FBXO24: variants seen among roughly 807,000 people sequenced by gnomAD.
The protein encoded by FBXO24 is F-box protein 24.
FBXO24 carries 30 observed loss-of-function variants against 63.5 expected under a neutral mutation model. The ratio of observed to expected loss-of-function variants is 0.47; its 90% CI spans 0.35 to 0.64. The LOEUF is 0.64. Among genes scored for constraint, FBXO24 ranks in the 30% least tolerant of loss-of-function variants. FBXO24 has a pLI of 0.00. For synonymous variants in FBXO24, 300 were observed against 305.0 expected, an observed-to-expected ratio of 0.98 and a Z score of 0.17; for missense variants, 624 against 763.4, an observed-to-expected ratio of 0.82 and a Z score of 2.15.
In FBXO24 at chr7:100,592,879, C is replaced by A. The variant is rs554426092; in HGVS notation, c.655C>A (p.Arg219=). The A allele has an allele frequency of 1.9e-6, 3 of 1,614,058 alleles. No homozygotes were observed. In the African/African-American group the frequency reaches 4.0e-5, roughly 22 times the overall value. Residue 219 remains arginine (R), a synonymous_variant, in exon 5 of 10, where the codon CGG becomes AGG. Transcript: ENST00000241071. ...GGAAGTGGTGGGTACCACCAGCAGC[C>A]GGGCCTGTGACTGTGTTGAGGTCTA... ...PQEVVGTTSS[R]ACDCVEVYLQ... is the part of the protein sequence containing the mutation.
Position 100,586,351 on chromosome 7 carries a change from C to T in FBXO24, c.-275C>T. 1.5e-6 allele frequency: 1 copy of T among 645,474 alleles called. No homozygotes were observed. Among genetic ancestry groups the T allele is most frequent in the Non-Finnish European group, 2.6e-6 (1 of 378,262 alleles). 40.0% of individuals were successfully genotyped at this position (645,474 alleles called of 1,614,324 possible). On this transcript the variant is annotated 5_prime_UTR_variant, in exon 1 of 10. Transcript: ENST00000241071. ...ATAGAGCGCTCGCCAACGGCCGACG[C>T]TCCAGGCCGTCCCGCCCAGCGCAGC... is the stretch of plus-strand genomic sequence containing the variant.
Position 100,600,398 on chromosome 7 carries a change from ACACACCCCT to A in FBXO24, c.1378-135_1378-127del. 1 of 1,476,000 alleles carries A rather than the reference ACACACCCCT, an allele frequency of 6.8e-7. No individual in the cohort carries two copies. Among genetic ancestry groups the A allele is most frequent in the East Asian group, 2.3e-5 (1 of 43,386 alleles). The allele number at this position is 1,476,000 out of a possible 1,614,324, so 91.4% of individuals were successfully genotyped here. ...GACTGTGCTGGCCTTGCCCAACCTC[ACACACCCCT>A]GGGACTTAGCCGGCTCAGGGCTGGT... is the stretch of plus-strand genomic sequence containing the variant. On this transcript the variant is annotated intron_variant, in intron 9 of 9. Transcript: ENST00000241071. This position sits in a 1 kb window ranked among gnomAD's most constrained non-coding sequence, Gnocchi z 6.3.
Position 100,594,738 on chromosome 7 carries a change from G to A in FBXO24, c.952+197G>A, listed in dbSNP as rs1250185729. On this transcript the variant is annotated intron_variant, in intron 6 of 9. Coordinates refer to ENST00000241071, the MANE Select transcript of FBXO24 (RefSeq NM_033506.3). This position sits in a 1 kb window ranked among gnomAD's most constrained non-coding sequence, Gnocchi z 4.2. The stretch of plus-strand genomic sequence containing the variant: ...AACCGAGGCAGGTGAATCACCTGAG[G>A]TCAGGAGTTCAAGACCAGCCTGGCC... Among the ~76,000 whole-genome samples, 1 of 152,190 alleles carries A rather than the reference G, an allele frequency of 6.6e-6. No homozygotes were observed. The highest frequency in any genetic ancestry group is 6.5e-5 in the Admixed American group (1 of 15,276).
chr7:100,596,001 G>A (rs1212011691), intron 8 of FBXO24, among the ~76,000 whole-genome samples: 1 of 152,194 alleles, frequency 6.6e-6, no homozygotes, highest in African/African-American at 2.4e-5. Flanking sequence ...GCAGGGGCCA[G>A]GTGCAGAGCC....
In FBXO24 at chr7:100,600,394, C is replaced by A; in HGVS notation, c.1378-140C>A. 1 of 1,471,504 alleles carries A rather than the reference C, an allele frequency of 6.8e-7. No homozygotes were observed. The highest frequency in any genetic ancestry group is 1.4e-5 in the South Asian group (1 of 72,574). 91.2% of individuals were successfully genotyped at this position (1,471,504 alleles called of 1,614,324 possible). A position where few individuals can be genotyped will look rare whatever the true frequency, so the allele number is the denominator to read the frequency against. On this transcript the variant is annotated intron_variant, in intron 9 of 9. Coordinates refer to ENST00000241071, the MANE Select transcript of FBXO24 (RefSeq NM_033506.3). This position sits in a 1 kb window ranked among gnomAD's most constrained non-coding sequence, Gnocchi z 6.3. ...AGCAGACTGTGCTGGCCTTGCCCAA[C>A]CTCACACACCCCTGGGACTTAGCCG...
rs1003329609 is a variant in FBXO24, at chr7:100,595,638, A to C, written c.1138A>C (p.Met380Leu). The C allele has an allele frequency of 2.5e-6, 4 of 1,613,530 alleles. No individual in the cohort carries two copies. Among genetic ancestry groups the C allele is most frequent in the Admixed American group, 1.7e-5 (1 of 59,956 alleles). ...GGTGGATGAATTTGGCCGAATCTTC[A>C]TGCAAGGAAATAACAGATACGGGCA... is the stretch of plus-strand genomic sequence containing the variant. Reference protein sequence around the residue: ...GLVDEFGRIFMQGNNRYGQLG... With the variant: ...GLVDEFGRIFLQGNNRYGQLG... The change falls in exon 8 of 10, where the codon ATG (methionine) becomes CTG (leucine). Residue 380 changes from methionine (M) to leucine (L), a missense_variant. Met to Leu is a conservative substitution (Grantham distance 15). Transcript: ENST00000241071.
At chr7:100,588,486 G>A (rs577109601) in intron 1 of FBXO24, among the ~76,000 whole-genome samples, 1 of 152,282 alleles carries the variant, frequency 6.6e-6, no homozygotes, top group East Asian at 1.9e-4. Context: ...CATACATAAG[G>A]GAATTTGGGT....
At chr7:100,587,507 T>G (rs1480852826) in intron 1 of FBXO24, among the ~76,000 whole-genome samples, 1 of 151,932 alleles carries the variant, frequency 6.6e-6, no homozygotes, top group Non-Finnish European at 1.5e-5. Context: ...TTCACCGTGT[T>G]GCCCAGGCTG....
intron 8 of FBXO24, among the ~76,000 whole-genome samples, chr7:100,597,047 A>C (rs1353091185): frequency 6.6e-6 from 1 of 152,198 alleles, no homozygotes; most frequent in Non-Finnish European, 1.5e-5. Flanking sequence ...GTCTCAAAAC[A>C]AAACAAAACA....
Position 100,591,677 on chromosome 7 carries a change from C to G in FBXO24, c.333C>G (p.Gly111=). The part of the protein sequence containing the change: ...KRAAILNYTK[G]LYFQAFGGRR... ...CCTTCCTTCCTCCAGACACGAAGGG[C>G]CTGTATTTCCAGGCATTTGGAGGCC... is the stretch of plus-strand genomic sequence containing the variant. Residue 111 remains glycine, a synonymous_variant, in exon 4 of 10, where the codon GGC becomes GGG. Coordinates refer to ENST00000241071, the MANE Select transcript of FBXO24 (RefSeq NM_033506.3). 6 of 1,614,192 alleles carry G rather than the reference C, an allele frequency of 3.7e-6. No homozygotes were observed. The highest frequency in any genetic ancestry group is 5.1e-6 in the Non-Finnish European group (6 of 1,180,016).
intron 1 of FBXO24, among the ~76,000 whole-genome samples, chr7:100,587,035 C>T (rs1021037299): frequency 5.9e-5 from 9 of 152,184 alleles, no homozygotes; most frequent in African/African-American, 2.2e-4. Context: ...GGAGAGGGGA[C>T]CAGACCACGG....
rs954567813 is a variant in FBXO24, at chr7:100,594,134, C to T, written c.794-249C>T. The stretch of plus-strand genomic sequence containing the variant: ...GGCAGGGCCCTCAATCCCCAGACCT[C>T]TCACTCAAATCGGATTCTAACAAAT... On this transcript the variant is annotated intron_variant, in intron 5 of 9. Coordinates refer to ENST00000241071, the MANE Select transcript of FBXO24 (RefSeq NM_033506.3). The surrounding 1 kb of genome is among the most constrained non-coding windows in gnomAD (Gnocchi z 4.2). Among the ~76,000 whole-genome samples the T allele has an allele frequency of 1.3e-5, 2 of 152,142 alleles. No homozygotes were observed. Among genetic ancestry groups the T allele is most frequent in the East Asian group, 3.8e-4 (2 of 5,196 alleles).
rs1294334006 is a variant in FBXO24 at position 100,601,041 on chromosome 7, G to A, written c.*142G>A. ...GCTAACCAGGGTAAGAATGTTCAGG[G>A]GGCTGCCCAGGAGGGGCCCCCAACC... On this transcript the variant is annotated 3_prime_UTR_variant, in exon 10 of 10. Coordinates refer to ENST00000241071, the MANE Select transcript of FBXO24 (RefSeq NM_033506.3). The A allele has an allele frequency of 3.1e-6, 4 of 1,273,552 alleles. No homozygotes were observed. The East Asian group carries it at 7.5e-5, about 24-fold the overall frequency. The allele number at this position is 1,273,552 out of a possible 1,614,324, so 78.9% of individuals were successfully genotyped here.
Position 100,595,633 on chromosome 7 carries a change from T to C in FBXO24, c.1133T>C (p.Ile378Thr), listed in dbSNP as rs149346146. The change falls in exon 8 of 10, where the codon ATC becomes ACC. Residue 378 changes from isoleucine to threonine, a missense_variant. Ile to Thr is a moderately conservative substitution (Grantham distance 89, BLOSUM62 -1). Transcript: ENST00000241071. ...GGCCTGGTGGATGAATTTGGCCGAA[T>C]CTTCATGCAAGGAAATAACAGATAC... ...HLGLVDEFGRIFMQGNNRYGQ... is the reference protein window; with the variant it reads ...HLGLVDEFGRTFMQGNNRYGQ... 382 of 1,613,618 alleles carry C rather than the reference T, an allele frequency of 2.4e-4. 1 individual carries two copies. The highest frequency in any genetic ancestry group is 9.9e-4 in the Middle Eastern group (6 of 6,056).
At position 100,591,845 on chromosome 7, in the gene FBXO24, C is replaced by T. The variant is rs1802047453; in HGVS notation, c.501C>T (p.Gly167=). The T allele has an allele frequency of 6.2e-7, 1 of 1,614,108 alleles. No individual in the cohort carries two copies. The highest frequency in any genetic ancestry group is 1.3e-5 in the African/African-American group (1 of 74,934). ...FLKNALVSTL[G]QMQWKRACRY... is the part of the protein sequence containing the mutation. ...AAAATGCCCTGGTCTCCACCCTCGG[C>T]CAGATGCAGTGGAAGCGGGCCTGTC... Residue 167 remains glycine, a synonymous_variant, in exon 4 of 10, where the codon GGC becomes GGT. Coordinates refer to ENST00000241071, the MANE Select transcript of FBXO24 (RefSeq NM_033506.3).
chr7:100,593,957 T>C lies in FBXO24; in HGVS notation c.794-426T>C, dbSNP rs115559806. The stretch of plus-strand genomic sequence containing the variant: ...TTTTTCTTAAAATATTTTTTTCTTT[T>C]TTGGAGCAAGGTAGAGATGGGGTCT... On this transcript the variant is annotated intron_variant, in intron 5 of 9. Coordinates refer to ENST00000241071, the MANE Select transcript of FBXO24 (RefSeq NM_033506.3). Among the ~76,000 whole-genome samples the C allele has an allele frequency of 3.9e-3, 592 of 152,234 alleles. 5 individuals are homozygous for C. The highest frequency in any genetic ancestry group is 0.014 in the African/African-American group (567 of 41,536).
intron 1 of FBXO24, among the ~76,000 whole-genome samples, chr7:100,586,925 G>A (rs1160713647): frequency 6.6e-6 from 1 of 151,966 alleles, no homozygotes; most frequent in Non-Finnish European, 1.5e-5. Flanking sequence ...CGGGCGGGGG[G>A]CTTCCCAGAG....
chr7:100,599,987 C>CCCGG, intron 8 of FBXO24, 44 bp from the exon 9 acceptor site: 1 of 1,364,916 alleles, frequency 7.3e-7, no homozygotes, highest in Non-Finnish European at 1.0e-6. Context: ...GCCCCCCCGT[C>CCCGG]CCTTGGTGCT....
intron 7 of FBXO24, 40 bp from the exon 8 acceptor site, chr7:100,595,534 AG>A: frequency 6.5e-7 from 1 of 1,540,082 alleles, no homozygotes; most frequent in Non-Finnish European, 8.8e-7. Context: ...GTTCCTCTGG[AG>A]GGAATGGAAT....
Sources: allele counts gnomAD v4.1 joint callset (sites outside exome capture counted in the v4.1 genomes callset), GRCh38; gene constraint gnomAD v4.1.1; non-coding constraint Gnocchi (gnomAD v3.1); transcripts MANE v1.5; gene names NCBI Gene and HGNC (gene_info 2026-07-23, HGNC 2026-07-21).